HECW2: variants seen among roughly 807,000 people sequenced by gnomAD.
HECW2 encodes the protein HECT, C2 and WW domain containing E3 ubiquitin protein ligase 2, also known as E3 ubiquitin-protein ligase HECW2.
A neutral mutation model predicts 175.2 loss-of-function variants in HECW2; 61 were observed. The observed-to-expected ratio is 0.35, with a 90% CI of 0.28 to 0.43. HECW2 has a LOEUF of 0.43. HECW2 is among the 20% of genes least tolerant of loss of function. HECW2 has a pLI of 1.00. For missense variants in HECW2, 1,524 were observed against 2,000.5 expected, an observed-to-expected ratio of 0.76 and a Z score of 4.54; for synonymous variants, 671 against 731.0, an observed-to-expected ratio of 0.92 and a Z score of 1.32.
At chr2:196,340,456 G>A (rs1256664599) in intron 3 of HECW2, among the ~76,000 whole-genome samples, 1 of 151,912 alleles carries the variant, frequency 6.6e-6, no homozygotes, top group Non-Finnish European at 1.5e-5. Flanking sequence ...AATTAGCCGG[G>A]CATGGTGATG....
At chr2:196,359,746 A>T (rs1693518118) in intron 2 of HECW2, among the ~76,000 whole-genome samples, 1 of 152,250 alleles carries the variant, frequency 6.6e-6, no homozygotes, top group South Asian at 2.1e-4. Context: ...GGTTACTCTT[A>T]TTGAACTAAA....
intron 2 of HECW2, among the ~76,000 whole-genome samples, chr2:196,388,901 T>C (rs1694426893): frequency 6.6e-6 from 1 of 152,198 alleles, no homozygotes; most frequent in African/African-American, 2.4e-5. Context: ...AAATTAACTT[T>C]TGCTGACGGG....
At chr2:196,263,022 C>CTTTTTTT (rs5837499) in intron 17 of HECW2, 1 of 149,522 alleles carries the variant, frequency 6.7e-6, no homozygotes, top group Non-Finnish European at 1.5e-5. Flanking sequence ...ATCTTGCTAT[C>CTTTTTTT]TTTTTTTTTT....
intron 17 of HECW2, 32 bp downstream of exon 17, chr2:196,271,161 C>T (rs557962609): frequency 5.6e-6 from 7 of 1,259,258 alleles, no homozygotes; most frequent in South Asian, 4.9e-5. Flanking sequence ...TGTGCTTATG[C>T]AACTTGAACC....
chr2:196,390,530 T>A (rs1191679388), intron 2 of HECW2, among the ~76,000 whole-genome samples: 1 of 152,222 alleles, frequency 6.6e-6, no homozygotes, highest in Non-Finnish European at 1.5e-5. Context: ...GGTAGCTTAC[T>A]AGCCTTTTCT....
chr2:196,337,382 C>A (rs1462615114), intron 3 of HECW2, among the ~76,000 whole-genome samples: 2 of 150,756 alleles, frequency 1.3e-5, no homozygotes, highest in Non-Finnish European at 2.9e-5. Flanking sequence ...TAAGCACAGG[C>A]ACGATGACTG....
intron 2 of HECW2, among the ~76,000 whole-genome samples, chr2:196,402,016 T>C (rs1003635709): frequency 4.1e-4 from 62 of 151,532 alleles, no homozygotes; most frequent in Admixed American, 3.7e-3. Context: ...CTGGCTAACA[T>C]GGTGAAACCG....
intron 1 of HECW2, among the ~76,000 whole-genome samples, chr2:196,454,756 G>A (rs111640199): frequency 6.6e-6 from 1 of 152,160 alleles, no homozygotes; most frequent in South Asian, 2.1e-4. Context: ...TTATAGCTGA[G>A]TTCAAATCTC....
chr2:196,589,456 C>T (rs763391385), intron 1 of HECW2, among the ~76,000 whole-genome samples: 2 of 152,200 alleles, frequency 1.3e-5, no homozygotes, highest in Non-Finnish European at 2.9e-5. Flanking sequence ...GTCACCTGCA[C>T]AATCTCAAAC....
intron 1 of HECW2, among the ~76,000 whole-genome samples, chr2:196,492,271 C>G (rs950993882): frequency 1.3e-5 from 2 of 152,118 alleles, no homozygotes; most frequent in Non-Finnish European, 2.9e-5. Context: ...CTTTGTTACC[C>G]AACAGACATC....
intron 1 of HECW2, among the ~76,000 whole-genome samples, chr2:196,577,999 T>C (rs1271154373): frequency 6.6e-6 from 1 of 152,108 alleles, no homozygotes; most frequent in South Asian, 2.1e-4. Context: ...GCATGGCCCA[T>C]TCACAGGAAA....
At chr2:196,450,139 C>T (rs561619075) in intron 1 of HECW2, among the ~76,000 whole-genome samples, 1 of 152,242 alleles carries the variant, frequency 6.6e-6, no homozygotes, top group South Asian at 2.1e-4. Context: ...CAAAACTTTG[C>T]CCTTTTTGCG....
intron 10 of HECW2, 138 bp from the exon 11 acceptor site, chr2:196,308,223 C>A: frequency 1.9e-6 from 1 of 537,724 alleles, no homozygotes; most frequent in Admixed American, 3.5e-5. Flanking sequence ...ACTGCACTAT[C>A]CCATACTTCT....
intron 1 of HECW2, among the ~76,000 whole-genome samples, chr2:196,562,819 G>C (rs1690051656): frequency 6.6e-6 from 1 of 152,112 alleles, no homozygotes. Context: ...TGAGGCAGAA[G>C]GATCACTTGA....
In HECW2 at chr2:196,306,517, C is replaced by T. The variant is rs1257100231; in HGVS notation, c.2785G>A (p.Glu929Lys). ...TTAGAATGCAGCACGGTGAAGAACT[C>T]TGGGCTGATGAGGAACTTCACGGGG... ...SPPVKFLISP[E>K]FFTVLHSNPS... Residue 929 changes from glutamate to lysine, a missense_variant, in exon 13 of 29, where the codon GAG becomes AAG. This residue lies in a region of HECW2 where 105 missense variants were observed against 98.1 expected (regional missense o/e 1.07). Transcript: ENST00000644978. 9 of 1,611,784 alleles carry T rather than the reference C, an allele frequency of 5.6e-6. No homozygotes were observed. In the Admixed American group the frequency reaches 1.5e-4, roughly 27 times the overall value.
intron 1 of HECW2, among the ~76,000 whole-genome samples, chr2:196,448,596 G>A (rs1269681649): frequency 6.6e-6 from 1 of 152,204 alleles, no homozygotes; most frequent in Admixed American, 6.5e-5. Context: ...CGCCAAAGCA[G>A]AACTGCCTGA....
At chr2:196,334,578 G>A (rs1235549533) in intron 3 of HECW2, 60 bp from the exon 4 acceptor site, 5 of 1,365,126 alleles carry the variant, frequency 3.7e-6, no homozygotes, top group African/African-American at 1.4e-5. Context: ...GGAGGAATCA[G>A]CTGTGGAAAT....
chr2:196,489,298 A>C (rs1031401839), intron 1 of HECW2, among the ~76,000 whole-genome samples: 3 of 152,198 alleles, frequency 2.0e-5, no homozygotes, highest in Non-Finnish European at 2.9e-5. Context: ...AGAGAGAGAG[A>C]TATATAACTC....
rs1475658358 is a variant in HECW2, at chr2:196,199,216, C to T, written c.*2061G>A. On this transcript the variant is annotated 3_prime_UTR_variant, in exon 29 of 29. Transcript: ENST00000644978. Reference sequence around the variant, plus strand: ...AAAAAAAGTGTGTTATACTACTTTTCCTTATAATGAAAAGAATACAAACAA... The same window carrying T: ...AAAAAAAGTGTGTTATACTACTTTTTCTTATAATGAAAAGAATACAAACAA... 6.6e-6 allele frequency: 1 copy of T among 152,438 alleles called. No individual in the cohort carries two copies. The highest frequency in any genetic ancestry group is 1.9e-4 in the East Asian group (1 of 5,192). 9.4% of individuals were successfully genotyped at this position (152,438 alleles called of 1,614,324 possible).
Sources: allele counts gnomAD v4.1 joint callset (sites outside exome capture counted in the v4.1 genomes callset), GRCh38; gene constraint gnomAD v4.1.1; regional missense constraint gnomAD v4.1.1; transcripts MANE v1.5; gene names NCBI Gene and HGNC (gene_info 2026-07-23, HGNC 2026-07-21).